The following MARCHF1 variants were observed in gnomAD, a reference collection of about 807,000 sequenced individuals.
MARCHF1 encodes membrane associated ring-CH-type finger 1.
MARCHF1 carries 40 observed loss-of-function variants against 54.2 expected under a neutral mutation model. The ratio of observed to expected loss-of-function variants is 0.74; its 90% CI spans 0.57 to 0.96. The LOEUF is 0.96. Ranked by LOEUF, MARCHF1 falls within the 40% of genes least tolerant of loss-of-function variation. MARCHF1 has a pLI of 0.00. For missense variants in MARCHF1, 586 were observed against 656.5 expected (o/e 0.89, Z 1.17); for synonymous variants, 236 against 236.3 (o/e 1.00, Z 0.01).
intron 4 of MARCHF1, among the ~76,000 whole-genome samples, chr4:163,709,171 A>T (rs1745034201): frequency 6.6e-6 from 1 of 152,208 alleles, no homozygotes; most frequent in Admixed American, 6.5e-5. Context: ...TTAACACTGC[A>T]ATCTATGCAC....
rs142580893 is a variant in MARCHF1 at position 164,349,090 on chromosome 4, G to A, written c.-323+34780C>T. Among the ~76,000 whole-genome samples, 527 of 152,268 alleles carry A rather than the reference G, an allele frequency of 3.5e-3. 1 individual carries two copies. The highest frequency in any genetic ancestry group is 0.01 in the Middle Eastern group (3 of 294). ...AGAACAGGGTCGGGTAACGGTGGAG[G>A]AGGGAAAATTAGTCCCTCTCCCTAC... On this transcript the variant is annotated intron_variant, in intron 1 of 9. Transcript: ENST00000514618.
intron 2 of MARCHF1, among the ~76,000 whole-genome samples, chr4:164,002,655 T>C (rs1478387133): frequency 1.3e-5 from 2 of 151,618 alleles, no homozygotes; most frequent in African/African-American, 2.4e-5. Flanking sequence ...TTGAACGAAA[T>C]AGTGTTTGAA....
intron 3 of MARCHF1, among the ~76,000 whole-genome samples, chr4:163,892,951 A>G (rs539746640): frequency 6.6e-6 from 1 of 152,316 alleles, no homozygotes; most frequent in African/African-American, 2.4e-5. Flanking sequence ...CAAAGAGGAC[A>G]AAGTGATGCC....
At chr4:163,709,229 A>C (rs1745036216) in intron 4 of MARCHF1, among the ~76,000 whole-genome samples, 1 of 152,088 alleles carries the variant, frequency 6.6e-6, no homozygotes, top group Non-Finnish European at 1.5e-5. Flanking sequence ...GGAAGCAGGC[A>C]GGCCCATGGG....
chr4:164,221,654 T>C (rs1274120025), intron 1 of MARCHF1, among the ~76,000 whole-genome samples: 2 of 151,998 alleles, frequency 1.3e-5, no homozygotes, highest in Non-Finnish European at 2.9e-5. Context: ...TTCAGAAATA[T>C]AGGATCTTTT....
rs1376385713 is a variant in MARCHF1 at position 164,383,868 on chromosome 4, AC to A, written c.-323+1del. The A allele has an allele frequency of 6.6e-6, 1 of 152,386 alleles. No homozygotes were observed. Among genetic ancestry groups the A allele is most frequent in the Non-Finnish European group, 1.5e-5 (1 of 68,214 alleles). 9.4% of individuals were successfully genotyped at this position (152,386 alleles called of 1,614,324 possible). ...GAATGAATGATGTTTGCAGTCACTT[AC>A]CGGCGGAGGGTGAAGTAGCTCAGGC... On this transcript the variant is annotated splice_donor_variant, in intron 1 of 9. Transcript: ENST00000514618. LOFTEE classifies it low-confidence loss of function (5UTR_SPLICE).
chr4:163,958,498 A>G lies in MARCHF1; in HGVS notation c.-39+30003T>C, dbSNP rs755834064. On this transcript the variant is annotated intron_variant, in intron 3 of 9. Coordinates refer to ENST00000514618, the MANE Select transcript of MARCHF1 (RefSeq NM_001394959.1). ...ATACTTTTTTTGTTACTTTTGACAA[A>G]GAATATTGTCATACATTGTTTCCTT... is the stretch of plus-strand genomic sequence containing the variant. Among the ~76,000 whole-genome samples, 7 of 152,020 alleles carry G rather than the reference A, an allele frequency of 4.6e-5. No homozygotes were observed. In the South Asian group the frequency reaches 8.3e-4, roughly 18 times the overall value.
intron 1 of MARCHF1, among the ~76,000 whole-genome samples, chr4:164,239,519 A>C (rs1019652814): frequency 2.4e-4 from 37 of 152,174 alleles, no homozygotes; most frequent in African/African-American, 8.0e-4. Context: ...TTATAGTCAG[A>C]TAGTCCTTGA....
intron 2 of MARCHF1, among the ~76,000 whole-genome samples, chr4:164,024,909 A>C (rs1753735011): frequency 1.3e-5 from 2 of 152,180 alleles, no homozygotes; most frequent in African/African-American, 4.8e-5. Flanking sequence ...ATGCAAATGG[A>C]AAACAAAAGA....
intron 8 of MARCHF1, chr4:163,555,748 C>G (rs1323196637): frequency 3.5e-6 from 1 of 289,538 alleles, no homozygotes; most frequent in Non-Finnish European, 7.1e-6. Context: ...TCTCTCTTCC[C>G]CAGAGGTTGA....
At chr4:163,558,063 C>T (rs545596996) in intron 8 of MARCHF1, among the ~76,000 whole-genome samples, 38 of 152,196 alleles carry the variant, frequency 2.5e-4, no homozygotes, top group African/African-American at 8.4e-4. Flanking sequence ...TGTGAAAATA[C>T]ATGGAGTTGC....
chr4:164,280,002 T>G (rs1350723684), intron 1 of MARCHF1, among the ~76,000 whole-genome samples: 5 of 151,882 alleles, frequency 3.3e-5, no homozygotes, highest in Admixed American at 3.3e-4. Flanking sequence ...TTAAAATATT[T>G]TATCACATCA....
At chr4:164,100,116 T>A (rs4691954) in intron 2 of MARCHF1, among the ~76,000 whole-genome samples, 106,052 of 152,134 alleles carry the variant, frequency 0.7, 38,647 homozygotes, top group Non-Finnish European at 0.82. Flanking sequence ...ACTCATGTTA[T>A]ATAGCAAGCA....
chr4:163,813,424 C>G (rs1035646905), intron 4 of MARCHF1, among the ~76,000 whole-genome samples: 3 of 152,114 alleles, frequency 2.0e-5, no homozygotes, highest in Admixed American at 6.6e-5. Context: ...CTCCTTCCAC[C>G]CTCAGATTTC....
chr4:164,083,734 A>G (rs545694860), intron 2 of MARCHF1, among the ~76,000 whole-genome samples: 2 of 152,224 alleles, frequency 1.3e-5, no homozygotes, highest in African/African-American at 4.8e-5. Context: ...GAATTCTAAC[A>G]CTACCCAATT....
At chr4:163,910,837 C>T (rs1336004533) in intron 3 of MARCHF1, among the ~76,000 whole-genome samples, 3 of 152,274 alleles carry the variant, frequency 2.0e-5, no homozygotes, top group Admixed American at 2.0e-4. Context: ...AAAGTCTCTC[C>T]TACAAAAGAC....
chr4:164,221,868 GC>G (rs1732122798), intron 1 of MARCHF1, among the ~76,000 whole-genome samples: 2 of 151,892 alleles, frequency 1.3e-5, no homozygotes, highest in Admixed American at 1.3e-4. Context: ...CTAATCACTC[GC>G]CCAGTAGAGT....
intron 1 of MARCHF1, among the ~76,000 whole-genome samples, chr4:164,294,567 T>C (rs1734365786): frequency 6.6e-6 from 1 of 152,184 alleles, no homozygotes; most frequent in Non-Finnish European, 1.5e-5. Context: ...TTCACTCGTT[T>C]ACAACCATTT....
intron 4 of MARCHF1, among the ~76,000 whole-genome samples, chr4:163,787,752 G>A (rs1414518322): frequency 6.6e-6 from 1 of 151,802 alleles, no homozygotes; most frequent in African/African-American, 2.4e-5. Flanking sequence ...TTCAAAGCAC[G>A]ATCTTAAAGA....
Sources: gnomAD v4.1 joint callset for allele counts (sites outside exome capture counted in the v4.1 genomes callset) on GRCh38, gnomAD v4.1.1 for gene constraint, MANE v1.5 for transcripts, NCBI Gene and HGNC (gene_info 2026-07-23, HGNC 2026-07-21) for gene names.